VLDLR: variants seen among roughly 807,000 people sequenced by gnomAD.
VLDLR encodes the protein very low density lipoprotein receptor, also known as very low-density lipoprotein receptor.
In VLDLR, 81 loss-of-function variants were observed where a neutral mutation model predicts 112.7. The ratio of observed to expected loss-of-function variants is 0.72; its 90% CI spans 0.60 to 0.86. The LOEUF is 0.86. Among genes scored for constraint, VLDLR ranks in the 40% least tolerant of loss-of-function variants. The pLI, the probability that VLDLR is intolerant of heterozygous loss-of-function variation, is 0.00. For synonymous variants in VLDLR, 436 were observed against 384.8 expected, an observed-to-expected ratio of 1.13 and a Z score of -1.56; for missense variants, 1,237 against 1,099.4, an observed-to-expected ratio of 1.13 and a Z score of -1.77.
chr9:2,650,801 A>G (rs1818295846), intron 15 of VLDLR, among the ~76,000 whole-genome samples: 1 of 152,234 alleles, frequency 6.6e-6, no homozygotes, highest in Admixed American at 6.5e-5. Context: ...TAATTAAATG[A>G]GGCCTTAACA....
Position 2,645,555 on chromosome 9 carries a change from C to T in VLDLR, c.1313-19C>T. The T allele has an allele frequency of 1.2e-6, 2 of 1,614,136 alleles. No individual in the cohort carries two copies. Among genetic ancestry groups the T allele is most frequent in the Non-Finnish European group, 1.7e-6 (2 of 1,180,016 alleles). On this transcript the variant is annotated intron_variant, in intron 9 of 18. Coordinates refer to ENST00000382100, the MANE Select transcript of VLDLR (RefSeq NM_003383.5). ...CCTTCTTAAAGCAAAACTAAGTAAC[C>T]CAGACTTCCATCTTGCAGGCAAAGA...
chr9:2,628,527 C>G (rs747548470), intron 1 of VLDLR, among the ~76,000 whole-genome samples: 3 of 152,150 alleles, frequency 2.0e-5, no homozygotes, highest in Non-Finnish European at 4.4e-5. Flanking sequence ...AGTGGTAAGC[C>G]AAGAAATGAC....
intron 7 of VLDLR, among the ~76,000 whole-genome samples, chr9:2,644,341 T>G (rs1323186614): frequency 6.7e-6 from 1 of 148,490 alleles, no homozygotes; most frequent in African/African-American, 2.5e-5. Flanking sequence ...TTTTTTTTTT[T>G]TGTATTTTTA....
chr9:2,648,839 A>C (rs1213330310), intron 14 of VLDLR, 29 bp downstream of exon 14: 1 of 1,613,796 alleles, frequency 6.2e-7, no homozygotes, highest in South Asian at 1.1e-5. Flanking sequence ...GTCCTTAATA[A>C]CTACTTTAAG....
chr9:2,626,639 G>A (rs1817102416), intron 1 of VLDLR, among the ~76,000 whole-genome samples: 1 of 152,138 alleles, frequency 6.6e-6, no homozygotes, highest in African/African-American at 2.4e-5. Context: ...TAGAGATGCT[G>A]GAAACTATAA....
intron 1 of VLDLR, among the ~76,000 whole-genome samples, chr9:2,631,255 C>T (rs1422713897): frequency 6.6e-6 from 1 of 152,144 alleles, no homozygotes; most frequent in Non-Finnish European, 1.5e-5. Context: ...AAACAATATG[C>T]AGATTTCCCA....
Position 2,651,418 on chromosome 9 carries a change from C to A in VLDLR, c.2255C>A (p.Thr752Asn). ...GTTCTTGGTTTTTATAATTCAGGTA[C>A]TGCAACTACTGTGACTTACAGTGAG... is the stretch of plus-strand genomic sequence containing the variant. The part of the protein sequence containing the change: ...VEENGRDCQS[T>N]ATTVTYSETK... Residue 752 changes from threonine (T) to asparagine (N), a missense_variant, in exon 16 of 19, where the codon ACT becomes AAT. Coordinates refer to ENST00000382100, the MANE Select transcript of VLDLR (RefSeq NM_003383.5). The A allele has an allele frequency of 6.2e-7, 1 of 1,613,746 alleles. No homozygotes were observed. Among genetic ancestry groups the A allele is most frequent in the Non-Finnish European group, 8.5e-7 (1 of 1,179,826 alleles).
At chr9:2,628,756 G>C (rs575305146) in intron 1 of VLDLR, among the ~76,000 whole-genome samples, 8 of 152,110 alleles carry the variant, frequency 5.3e-5, no homozygotes, top group Non-Finnish European at 1.0e-4. Context: ...ATCAAAGATA[G>C]ACTACACAGG....
At chr9:2,647,880 T>A (rs1340972828) in intron 12 of VLDLR, 1 of 570,076 alleles carries the variant, frequency 1.8e-6, no homozygotes, top group Non-Finnish European at 3.1e-6. Flanking sequence ...ATGAGTGCCT[T>A]AGCATTTCCT....
In VLDLR at chr9:2,643,225, G is replaced by C. The variant is rs1263097620; in HGVS notation, c.514G>C (p.Val172Leu). 2.5e-6 allele frequency: 4 copies of C among 1,613,960 alleles called. No individual in the cohort carries two copies. Among genetic ancestry groups the C allele is most frequent in the Admixed American group, 3.3e-5 (2 of 60,004 alleles). The part of the protein sequence containing the change: ...SSGRCISRNF[V>L]CNGQDDCSDG... Reference sequence around the variant, plus strand: ...TGGCCGCTGCATCTCCAGGAACTTTGTATGCAATGGCCAGGATGACTGCAG... The same window carrying C: ...TGGCCGCTGCATCTCCAGGAACTTTCTATGCAATGGCCAGGATGACTGCAG... Residue 172 changes from valine to leucine, a missense_variant, in exon 5 of 19, where the codon GTA (valine) becomes CTA (leucine). Coordinates refer to ENST00000382100, the MANE Select transcript of VLDLR (RefSeq NM_003383.5).
intron 7 of VLDLR, among the ~76,000 whole-genome samples, chr9:2,644,298 A>C (rs1303860780): frequency 6.8e-6 from 1 of 147,044 alleles, no homozygotes; most frequent in Non-Finnish European, 1.5e-5. Flanking sequence ...AGCTGGGACT[A>C]TAGGCGCCCA....
intron 11 of VLDLR, among the ~76,000 whole-genome samples, chr9:2,647,124 G>A (rs1452365033): frequency 6.7e-6 from 1 of 149,642 alleles, no homozygotes; most frequent in East Asian, 1.9e-4. Context: ...CCCCCGTGCA[G>A]CCTCATTAGA....
Position 2,654,237 on chromosome 9 carries a change from A to ACAAT in VLDLR, c.*372_*375dup, listed in dbSNP as rs1006478692. 4 of 219,862 alleles carry ACAAT rather than the reference A, an allele frequency of 1.8e-5. No homozygotes were observed. The highest frequency in any genetic ancestry group is 6.8e-5 in the African/African-American group (3 of 43,842). 13.6% of individuals were successfully genotyped at this position (219,862 alleles called of 1,614,324 possible). On this transcript the variant is annotated 3_prime_UTR_variant, in exon 19 of 19. Transcript: ENST00000382100. ...AGGCCATCTGTAAATATCCCAGAGAACAATCACTATTCTTAAGCACTTTGA... is the reference window on the plus strand; with the variant it reads ...AGGCCATCTGTAAATATCCCAGAGAACAATCAATCACTATTCTTAAGCACTTTGA...
In VLDLR at chr9:2,621,967, C is replaced by G; in HGVS notation, c.-223C>G. The G allele has an allele frequency of 1.5e-6, 1 of 661,758 alleles. No individual in the cohort carries two copies. Among genetic ancestry groups the G allele is most frequent in the Non-Finnish European group, 2.7e-6 (1 of 364,652 alleles). The allele number at this position is 661,758 out of a possible 1,614,324, so 41.0% of individuals were successfully genotyped here. A position where few individuals can be genotyped will look rare whatever the true frequency, so the allele number is the denominator to read the frequency against. ...GGCTCGGCTTGCACTGCTGCTGCAGCCCGGGGAGGTGGCTGGGTGGGTGGG... is the reference window on the plus strand; with the variant it reads ...GGCTCGGCTTGCACTGCTGCTGCAGGCCGGGGAGGTGGCTGGGTGGGTGGG... On this transcript the variant is annotated 5_prime_UTR_variant, in exon 1 of 19. Coordinates refer to ENST00000382100, the MANE Select transcript of VLDLR (RefSeq NM_003383.5).
Position 2,622,267 on chromosome 9 carries a change from A to T in VLDLR, c.78A>T (p.Gly26=), listed in dbSNP as rs1554617758. The change falls in exon 1 of 19, where the codon GGA becomes GGT. Residue 26 remains glycine, a synonymous_variant. Coordinates refer to ENST00000382100, the MANE Select transcript of VLDLR (RefSeq NM_003383.5). The part of the protein sequence containing the change: ...CWAPRESGAT[G]TGRKAKCEPS... ...CGCCCCGGGAGAGCGGCGCCACCGG[A>T]ACCGGTGAGTGAGGACGCGCCCCTC... 4 of 1,488,978 alleles carry T rather than the reference A, an allele frequency of 2.7e-6. No homozygotes were observed. The highest frequency in any genetic ancestry group is 2.8e-5 in the East Asian group (1 of 35,662). 92.2% of individuals were successfully genotyped at this position (1,488,978 alleles called of 1,614,324 possible).
intron 17 of VLDLR, among the ~76,000 whole-genome samples, chr9:2,652,165 G>T (rs1175434409): frequency 6.6e-6 from 1 of 152,202 alleles, no homozygotes; most frequent in Non-Finnish European, 1.5e-5. Flanking sequence ...AACTGGCAAT[G>T]ATAAGTGTTC....
At position 2,656,865 on chromosome 9, in the gene VLDLR, T is replaced by C. The variant is rs1818628526; in HGVS notation, c.*2997T>C. 7.0e-6 allele frequency: 1 copy of C among 143,828 alleles called. No homozygotes were observed. The highest frequency in any genetic ancestry group is 7.5e-5 in the Admixed American group (1 of 13,332). 8.9% of individuals were successfully genotyped at this position (143,828 alleles called of 1,614,324 possible). A position where few individuals can be genotyped will look rare whatever the true frequency, so the allele number is the denominator to read the frequency against. ...AAAAAAATAGTCCCAGTTGTTCAAC[T>C]AGCTCCCTTAAAACATTCTAGTAGG... is the stretch of plus-strand genomic sequence containing the variant. On this transcript the variant is annotated 3_prime_UTR_variant, in exon 19 of 19. Transcript: ENST00000382100.
rs1818666672 is a variant in VLDLR, at chr9:2,658,025, T to G, written c.*4157T>G. ...GTACAAAAATCTTCAAAGGTACTTA[T>G]TTCCAAATATGGAGGGAATGAATCT... On this transcript the variant is annotated 3_prime_UTR_variant, in exon 19 of 19. Transcript: ENST00000382100. 6.6e-6 allele frequency: 1 copy of G among 152,226 alleles called. No individual in the cohort carries two copies. The highest frequency in any genetic ancestry group is 2.1e-4 in the South Asian group (1 of 4,836). 9.4% of individuals were successfully genotyped at this position (152,226 alleles called of 1,614,324 possible).
At position 2,641,511 on chromosome 9, in the gene VLDLR, A is replaced by T. The variant is rs1161193637; in HGVS notation, c.448+12A>T. On this transcript the variant is annotated intron_variant, in intron 4 of 18. Transcript: ENST00000382100. ...TGAAGAAAACTGTGGTAAGAAGATC[A>T]GTGTTGAGTGACGTAACCCAAAGAC... The T allele has an allele frequency of 6.2e-7, 1 of 1,614,068 alleles. No individual in the cohort carries two copies. Among genetic ancestry groups the T allele is most frequent in the Non-Finnish European group, 8.5e-7 (1 of 1,179,946 alleles).
Sources: gnomAD v4.1 joint callset for allele counts (sites outside exome capture counted in the v4.1 genomes callset) on GRCh38, gnomAD v4.1.1 for gene constraint, MANE v1.5 for transcripts, NCBI Gene and HGNC (gene_info 2026-07-23, HGNC 2026-07-21) for gene names.